ACVR1C: variants seen among roughly 807,000 people sequenced by gnomAD.
ACVR1C encodes the protein activin A receptor type 1C.
ACVR1C carries 23 observed loss-of-function variants against 57.9 expected under a neutral mutation model. The observed-to-expected ratio is 0.40, with a 90% CI of 0.29 to 0.56. ACVR1C has a LOEUF of 0.56. Ranked by LOEUF, ACVR1C falls within the 20% of genes least tolerant of loss-of-function variation. ACVR1C has a pLI of 0.50. For synonymous variants in ACVR1C, 214 were observed against 215.3 expected (o/e 0.99, Z 0.05); for missense variants, 480 against 607.9 (o/e 0.79, Z 2.21).
intron 2 of ACVR1C, among the ~76,000 whole-genome samples, chr2:157,579,579 A>C (rs1272870437): frequency 6.6e-6 from 1 of 152,068 alleles, no homozygotes; most frequent in Non-Finnish European, 1.5e-5. Context: ...TTTGGTCTAT[A>C]ATTTTTGTCT....
intron 2 of ACVR1C, among the ~76,000 whole-genome samples, chr2:157,556,788 T>C (rs1688112829): frequency 6.6e-6 from 1 of 150,900 alleles, no homozygotes; most frequent in African/African-American, 2.4e-5. Flanking sequence ...CTCAGCCTCC[T>C]GAGTAGCTGA....
chr2:157,597,005 A>G (rs569157910), intron 1 of ACVR1C, among the ~76,000 whole-genome samples: 102 of 152,206 alleles, frequency 6.7e-4, no homozygotes, highest in African/African-American at 2.4e-3. Context: ...GGCTGCGGGT[A>G]AGGGACGGGG....
At chr2:157,580,065 TAAC>T (rs1436110627) in intron 2 of ACVR1C, among the ~76,000 whole-genome samples, 1 of 151,640 alleles carries the variant, frequency 6.6e-6, no homozygotes, top group Non-Finnish European at 1.5e-5. Flanking sequence ...GTCTTGCAAT[TAAC>T]ACACACACAC....
At chr2:157,550,973 TC>T (rs1687899710) in intron 3 of ACVR1C, among the ~76,000 whole-genome samples, 1 of 152,140 alleles carries the variant, frequency 6.6e-6, no homozygotes, top group Admixed American at 6.5e-5. Context: ...AGAAAATATA[TC>T]CTGAATGTAT....
At chr2:157,581,871 C>T (rs1056858022) in intron 2 of ACVR1C, among the ~76,000 whole-genome samples, 1 of 152,156 alleles carries the variant, frequency 6.6e-6, no homozygotes, top group Admixed American at 6.5e-5. Flanking sequence ...TCTATATTTC[C>T]TGTTTTGTGA....
chr2:157,561,702 A>G (rs952957664), intron 2 of ACVR1C, among the ~76,000 whole-genome samples: 1 of 152,242 alleles, frequency 6.6e-6, no homozygotes, highest in African/African-American at 2.4e-5. Context: ...AAATCTCCCA[A>G]ATCATCATGA....
intron 2 of ACVR1C, among the ~76,000 whole-genome samples, chr2:157,576,259 G>A (rs1688650089): frequency 6.9e-6 from 1 of 145,470 alleles, no homozygotes; most frequent in Non-Finnish European, 1.5e-5. Flanking sequence ...ACGCTGGAGT[G>A]CAATGGCGCA....
rs1438436632 is a variant in ACVR1C at position 157,547,799 on chromosome 2, C to T, written c.775+2363G>A. Among the ~76,000 whole-genome samples, 8 of 151,718 alleles carry T rather than the reference C, an allele frequency of 5.3e-5. No homozygotes were observed. The East Asian group carries it at 1.6e-3, about 29-fold the overall frequency. On this transcript the variant is annotated intron_variant, in intron 4 of 8. Coordinates refer to ENST00000243349, the MANE Select transcript of ACVR1C (RefSeq NM_145259.3). The stretch of plus-strand genomic sequence containing the variant: ...TTCACTCTGATGGTAGTTTCTTTTG[C>T]TGTGAAGAAGCTCTTTAGTTTAATT...
intron 7 of ACVR1C, 47 bp downstream of exon 7, chr2:157,541,043 A>G (rs776088720): frequency 1.6e-5 from 25 of 1,588,116 alleles, no homozygotes; most frequent in Non-Finnish European, 2.1e-5. Flanking sequence ...TCTTGTATTC[A>G]GAGTATCAAG....
At position 157,529,517 on chromosome 2, in the gene ACVR1C, G is replaced by T. The variant is rs1287182029; in HGVS notation, c.*4401C>A. ...TCAGTAAAAGTTGGGGATATGGCAG[G>T]GAACAGTGCTGGGTGTCACCACCAG... On this transcript the variant is annotated 3_prime_UTR_variant, in exon 9 of 9. Coordinates refer to ENST00000243349, the MANE Select transcript of ACVR1C (RefSeq NM_145259.3). 1 of 152,044 alleles carries T rather than the reference G, an allele frequency of 6.6e-6. No homozygotes were observed. The highest frequency in any genetic ancestry group is 1.5e-5 in the Non-Finnish European group (1 of 67,964). 9.4% of individuals were successfully genotyped at this position (152,044 alleles called of 1,614,324 possible).
At chr2:157,561,627 C>A (rs575010674) in intron 2 of ACVR1C, among the ~76,000 whole-genome samples, 1 of 152,130 alleles carries the variant, frequency 6.6e-6, no homozygotes, top group African/African-American at 2.4e-5. Context: ...AAAGCTAGCT[C>A]GTTTATTAGT....
At chr2:157,579,874 T>G (rs1235620544) in intron 2 of ACVR1C, among the ~76,000 whole-genome samples, 7 of 152,230 alleles carry the variant, frequency 4.6e-5, no homozygotes, top group Admixed American at 4.6e-4. Context: ...TTTTAACTTT[T>G]GCCCATCTAA....
At chr2:157,601,388 A>C (rs770363454) in intron 1 of ACVR1C, among the ~76,000 whole-genome samples, 5 of 152,192 alleles carry the variant, frequency 3.3e-5, no homozygotes, top group Non-Finnish European at 7.4e-5. Context: ...CCTTTTATCT[A>C]TCAAGATACT....
chr2:157,580,207 T>C (rs1688757488), intron 2 of ACVR1C, among the ~76,000 whole-genome samples: 1 of 152,208 alleles, frequency 6.6e-6, no homozygotes, highest in Admixed American at 6.5e-5. Context: ...TGTTTTCTGG[T>C]TTTATTTATG....
Position 157,628,610 on chromosome 2 carries a change from G to A in ACVR1C, c.35C>T (p.Ala12Val). The A allele has an allele frequency of 6.2e-7, 1 of 1,603,504 alleles. No individual in the cohort carries two copies. Among genetic ancestry groups the A allele is most frequent in the Non-Finnish European group, 8.5e-7 (1 of 1,175,828 alleles). The change falls in exon 1 of 9, where the codon GCT becomes GTT. Residue 12 changes from alanine (A) to valine (V), a missense_variant. Physicochemically the swap from Ala to Val is moderately conservative, Grantham distance 64 (BLOSUM62 0). Transcript: ENST00000243349. The part of the protein sequence containing the change: ...TRALCSALRQ[A>V]LLLLAAAAEL... ...GGCGGCCGCTGCGAGCAGCAGGAGA[G>A]CCTGGCGGAGCGCTGAGCAGAGCGC...
At chr2:157,544,731 G>C in intron 4 of ACVR1C, 119 bp from the exon 5 acceptor site, 1 of 792,620 alleles carries the variant, frequency 1.3e-6, no homozygotes, top group Admixed American at 3.1e-5. Flanking sequence ...TGCTTCAGTG[G>C]TAATGCTTAC....
At chr2:157,612,656 G>T (rs1279348826) in intron 1 of ACVR1C, among the ~76,000 whole-genome samples, 2 of 152,180 alleles carry the variant, frequency 1.3e-5, no homozygotes, top group African/African-American at 4.8e-5. Context: ...TCAGGCTATG[G>T]AAAGTATACA....
chr2:157,552,515 C>CA (rs1687946788), intron 3 of ACVR1C, among the ~76,000 whole-genome samples: 1 of 152,170 alleles, frequency 6.6e-6, no homozygotes, highest in African/African-American at 2.4e-5. Context: ...GGCCAAATCT[C>CA]AATCTCAGTC....
intron 2 of ACVR1C, among the ~76,000 whole-genome samples, chr2:157,556,655 C>T (rs1688107119): frequency 1.4e-5 from 2 of 140,192 alleles, no homozygotes; most frequent in African/African-American, 5.4e-5. Flanking sequence ...TTCAGCAGTA[C>T]ACTTTTTTTT....
Sources: allele counts gnomAD v4.1 joint callset (sites outside exome capture counted in the v4.1 genomes callset), GRCh38; gene constraint gnomAD v4.1.1; transcripts MANE v1.5; gene names NCBI Gene and HGNC (gene_info 2026-07-23, HGNC 2026-07-21).